The following MGAM2 variants were observed in gnomAD, a reference collection of about 807,000 sequenced individuals.
MGAM2 encodes the protein probable maltase-glucoamylase 2.
Under a neutral mutation model 96.1 loss-of-function variants are expected in MGAM2, and 98 were observed. The ratio of observed to expected loss-of-function variants is 1.02; its 90% CI spans 0.87 to 1.21. The LOEUF (loss-of-function observed/expected upper bound fraction) is 1.21. MGAM2 is among the 50% of genes most tolerant of loss of function. The pLI, the probability that MGAM2 is intolerant of heterozygous loss-of-function variation, is 0.00. For missense variants in MGAM2, 2,055 were observed against 1,182.4 expected, an observed-to-expected ratio of 1.74 and a Z score of -10.82; for synonymous variants, 749 against 414.8, an observed-to-expected ratio of 1.81 and a Z score of -9.79.
chr7:142,114,063 G>A lies in MGAM2; in HGVS notation c.-1+2256G>A, dbSNP rs986280408. On this transcript the variant is annotated intron_variant, in intron 1 of 47. Transcript: ENST00000477922. ...GGAGAATCACTTGAACCTGGGTGGC[G>A]GAGGTTGCGGTGAGCCGAGATCGCG... Among the ~76,000 whole-genome samples the A allele has an allele frequency of 7.3e-5, 11 of 151,250 alleles. No homozygotes were observed. In the East Asian group the frequency reaches 9.7e-4, roughly 13 times the overall value.
chr7:142,117,650 C>G (rs1451120117), intron 2 of MGAM2, among the ~76,000 whole-genome samples: 1 of 152,158 alleles, frequency 6.6e-6, no homozygotes, highest in Non-Finnish European at 1.5e-5. Flanking sequence ...AGAACCCTAC[C>G]TGCTCCATCT....
intron 20 of MGAM2, among the ~76,000 whole-genome samples, 176 bp from the exon 21 acceptor site, chr7:142,159,958 T>C (rs1795840271): frequency 6.6e-6 from 1 of 152,142 alleles, no homozygotes; most frequent in African/African-American, 2.4e-5. Context: ...ATAAAGGGGA[T>C]TGGAGTGTCA....
rs767971047 is a variant in MGAM2 at position 142,134,085 on chromosome 7, A to T, written c.680A>T (p.Gln227Leu). 1.3e-6 allele frequency: 1 copy of T among 763,102 alleles called. No individual in the cohort carries two copies. Among genetic ancestry groups the T allele is most frequent in the Admixed American group, 1.7e-5 (1 of 58,780 alleles). 47.3% of individuals were successfully genotyped at this position (763,102 alleles called of 1,614,324 possible). A position where few individuals can be genotyped will look rare whatever the true frequency, so the allele number is the denominator to read the frequency against. Reference sequence around the variant, plus strand: ...TATGGGCTGGGAGAGCATGTGCACCAGCAGTACCGCCACAATATGACCTGG... The same window carrying T: ...TATGGGCTGGGAGAGCATGTGCACCTGCAGTACCGCCACAATATGACCTGG... ...NVYGLGEHVH[Q>L]QYRHNMTWKT... Residue 227 changes from glutamine to leucine, a missense_variant, in exon 7 of 48, where the codon CAG (glutamine) becomes CTG (leucine). Physicochemically the swap from Gln to Leu is moderately radical, Grantham distance 113 (BLOSUM62 -2). Transcript: ENST00000477922.
At chr7:142,174,469 C>T (rs767787894) in intron 31 of MGAM2, among the ~76,000 whole-genome samples, 65 of 151,968 alleles carry the variant, frequency 4.3e-4, no homozygotes, top group Non-Finnish European at 6.3e-4. Flanking sequence ...TGGCTCTAGG[C>T]TTGACTGTTG....
chr7:142,121,918 G>A (rs1794585597), intron 3 of MGAM2, among the ~76,000 whole-genome samples: 1 of 151,956 alleles, frequency 6.6e-6, no homozygotes, highest in Admixed American at 6.6e-5. Flanking sequence ...GATGATGGTT[G>A]GCAACCCTTA....
At chr7:142,200,195 C>A (rs1797179555) in intron 45 of MGAM2, among the ~76,000 whole-genome samples, 1 of 152,136 alleles carries the variant, frequency 6.6e-6, no homozygotes, top group Non-Finnish European at 1.5e-5. Context: ...TGCTGTTATG[C>A]ATTCAGCCAG....
At chr7:142,173,207 T>C (rs537866748) in intron 30 of MGAM2, 22 bp from the exon 31 acceptor site, 1 of 702,672 alleles carries the variant, frequency 1.4e-6, no homozygotes, top group Admixed American at 2.0e-5. Context: ...TCTTTCTGGA[T>C]GCATTTTTCT....
At chr7:142,185,795 CCTT>C (rs1001834004) in intron 34 of MGAM2, among the ~76,000 whole-genome samples, 191 bp from the exon 35 acceptor site, 5 of 152,168 alleles carry the variant, frequency 3.3e-5, no homozygotes, top group African/African-American at 1.2e-4. Flanking sequence ...AGCTATCTAA[CCTT>C]CTTCTAAGAA....
rs1563260542 is a variant in MGAM2 at position 142,148,389 on chromosome 7, C to T, written c.1634+816C>T. ...ACCATGACCACCACCACCATCCCTA[C>T]CACCACCATCACCATCATCACTATC... On this transcript the variant is annotated intron_variant, in intron 15 of 47. Coordinates refer to ENST00000477922, the MANE Select transcript of MGAM2 (RefSeq NM_001293626.2). The surrounding 1 kb of genome is among the most constrained non-coding windows in gnomAD (Gnocchi z 4.2). Among the ~76,000 whole-genome samples, 1 of 152,040 alleles carries T rather than the reference C, an allele frequency of 6.6e-6. No individual in the cohort carries two copies. The highest frequency in any genetic ancestry group is 2.4e-5 in the African/African-American group (1 of 41,388).
At chr7:142,157,874 G>T in intron 17 of MGAM2, 63 bp from the exon 18 acceptor site, 1 of 678,264 alleles carries the variant, frequency 1.5e-6, no homozygotes, top group Non-Finnish European at 2.7e-6. Context: ...GAAACTTATT[G>T]TAAGAGAACT....
intron 42 of MGAM2, 137 bp from the exon 43 acceptor site, chr7:142,198,002 T>C: frequency 1.7e-6 from 1 of 590,490 alleles, no homozygotes; most frequent in Non-Finnish European, 3.0e-6. Flanking sequence ...TCAGGATTTT[T>C]CTTAATAAAA....
intron 1 of MGAM2, among the ~76,000 whole-genome samples, chr7:142,114,588 A>C (rs75773581): frequency 0.079 from 12,079 of 152,262 alleles, 546 homozygotes; most frequent in South Asian, 0.1. Flanking sequence ...TTATGAAGGA[A>C]AGATATTCAG....
chr7:142,161,856 G>C, intron 22 of MGAM2, 99 bp from the exon 23 acceptor site: 1 of 566,492 alleles, frequency 1.8e-6, no homozygotes. Context: ...AGCAGAACTA[G>C]ATGGTTGGTA....
chr7:142,210,688 G>A (rs1486055012), intron 46 of MGAM2, among the ~76,000 whole-genome samples: 1 of 152,238 alleles, frequency 6.6e-6, no homozygotes, highest in Non-Finnish European at 1.5e-5. Flanking sequence ...AGCAGCCCCA[G>A]TTAGGGGCTT....
At chr7:142,169,489 A>T (rs770826669) in intron 26 of MGAM2, among the ~76,000 whole-genome samples, 40 of 152,134 alleles carry the variant, frequency 2.6e-4, no homozygotes, top group Admixed American at 1.3e-4. Context: ...TAATAATATG[A>T]CAAAGAGGAT....
chr7:142,184,881 A>G lies in MGAM2; in HGVS notation c.3925-196A>G, dbSNP rs555220873. On this transcript the variant is annotated intron_variant, in intron 33 of 47. Coordinates refer to ENST00000477922, the MANE Select transcript of MGAM2 (RefSeq NM_001293626.2). Reference sequence around the variant, plus strand: ...TAAATTCAAAAATAGAATTTTGAAAACATAGAATGAATCAAGAGACCCAGC... The same window carrying G: ...TAAATTCAAAAATAGAATTTTGAAAGCATAGAATGAATCAAGAGACCCAGC... Among the ~76,000 whole-genome samples the G allele has an allele frequency of 2.3e-3, 330 of 145,494 alleles. 1 individual carries two copies. Among genetic ancestry groups the G allele is most frequent in the African/African-American group, 7.7e-3 (313 of 40,730 alleles).
chr7:142,175,531 A>C, intron 31 of MGAM2, 121 bp from the exon 32 acceptor site: 1 of 610,066 alleles, frequency 1.6e-6, no homozygotes, highest in Non-Finnish European at 2.9e-6. Flanking sequence ...GAGATGAGGA[A>C]TGAAGAGGGG....
At chr7:142,209,044 T>C (rs998689372) in intron 46 of MGAM2, among the ~76,000 whole-genome samples, 1 of 152,114 alleles carries the variant, frequency 6.6e-6, no homozygotes, top group Non-Finnish European at 1.5e-5. Flanking sequence ...GCTCAGAGGA[T>C]GTGGGTCTGG....
intron 21 of MGAM2, among the ~76,000 whole-genome samples, 197 bp downstream of exon 21, chr7:142,160,455 C>T (rs375942555): frequency 2.4e-4 from 36 of 152,190 alleles, no homozygotes; most frequent in East Asian, 1.5e-3. Context: ...CTGCTAAGGA[C>T]ATCTGCAGAG....
Sources: allele counts gnomAD v4.1 joint callset (sites outside exome capture counted in the v4.1 genomes callset), GRCh38; gene constraint gnomAD v4.1.1; non-coding constraint Gnocchi (gnomAD v3.1); transcripts MANE v1.5; gene names NCBI Gene and HGNC (gene_info 2026-07-23, HGNC 2026-07-21).